Variants in PATL1 observed in about 807,000 individuals in gnomAD.
PATL1 encodes protein PAT1 homolog 1.
A neutral mutation model predicts 100.6 loss-of-function variants in PATL1; 32 were observed. The ratio of observed to expected loss-of-function variants is 0.32; its 90% CI spans 0.24 to 0.43. PATL1 has a LOEUF of 0.43. Among genes scored for constraint, PATL1 ranks in the 20% least tolerant of loss-of-function variants. The pLI is 1.00. For missense variants in PATL1, 747 were observed against 949.9 expected, an observed-to-expected ratio of 0.79 and a Z score of 2.81; for synonymous variants, 332 against 330.0, an observed-to-expected ratio of 1.01 and a Z score of -0.07.
chr11:59,653,628 T>C (rs1393266609), intron 9 of PATL1, among the ~76,000 whole-genome samples: 1 of 152,206 alleles, frequency 6.6e-6, no homozygotes, highest in African/African-American at 2.4e-5. Flanking sequence ...TGTACCCCTC[T>C]AGACCCAGTT....
chr11:59,651,667 T>A, intron 11 of PATL1, 26 bp from the exon 12 acceptor site: 1 of 1,388,290 alleles, frequency 7.2e-7, no homozygotes, highest in Non-Finnish European at 1.0e-6. Flanking sequence ...AAAAAAAAAT[T>A]CCAACAAAAT....
chr11:59,666,509 T>C (rs973676020), intron 2 of PATL1, among the ~76,000 whole-genome samples: 5 of 152,220 alleles, frequency 3.3e-5, no homozygotes, highest in African/African-American at 1.2e-4. Flanking sequence ...GTTATACAAA[T>C]AAAAATTCCT....
chr11:59,666,943 C>T lies in PATL1; in HGVS notation c.37G>A (p.Asp13Asn). The change falls in exon 2 of 19, where the codon GAT (aspartate) becomes AAT (asparagine). Residue 13 changes from aspartate to asparagine, a missense_variant. By Grantham distance (23) the Asp-to-Asn change is conservative. Around this residue, in one of 4 missense-constraint regions of PATL1, gnomAD observed 183 missense variants for 221.2 expected, o/e 0.83. Coordinates refer to ENST00000300146, the MANE Select transcript of PATL1 (RefSeq NM_152716.3). ...RYESLEDCPL[D>N]EDEDAFQGLG... is the part of the protein sequence containing the mutation. Reference sequence around the variant, plus strand: ...CCCTGAAATGCATCTTCATCTTCATCCAGAGGACAATCCTCCAAAGACTAA... The same window carrying T: ...CCCTGAAATGCATCTTCATCTTCATTCAGAGGACAATCCTCCAAAGACTAA... 1.3e-6 allele frequency: 2 copies of T among 1,550,158 alleles called. No homozygotes were observed. The highest frequency in any genetic ancestry group is 2.4e-5 in the East Asian group (1 of 40,864).
At chr11:59,640,586 G>A (rs1861264015) in intron 16 of PATL1, among the ~76,000 whole-genome samples, 1 of 152,014 alleles carries the variant, frequency 6.6e-6, no homozygotes, top group South Asian at 2.1e-4. Context: ...CAGGCGTGGT[G>A]GCGGGTGCCT....
chr11:59,660,513 G>A (rs543312467), intron 2 of PATL1, among the ~76,000 whole-genome samples: 2 of 152,306 alleles, frequency 1.3e-5, no homozygotes, highest in East Asian at 1.9e-4. Flanking sequence ...AAGAGTAAGA[G>A]GGTTAGCAAT....
At chr11:59,659,768 G>T (rs752386487) in intron 2 of PATL1, among the ~76,000 whole-genome samples, 32 of 151,934 alleles carry the variant, frequency 2.1e-4, no homozygotes, top group Non-Finnish European at 3.5e-4. Context: ...TCAAACTCCC[G>T]ACCTCAAATG....
chr11:59,659,615 T>C lies in PATL1; in HGVS notation c.128-146A>G, dbSNP rs1301933376. 11 of 709,508 alleles carry C rather than the reference T, an allele frequency of 1.6e-5. No individual in the cohort carries two copies. In the African/African-American group the frequency reaches 1.6e-4, roughly 10 times the overall value. The allele number at this position is 709,508 out of a possible 1,614,324, so 44.0% of individuals were successfully genotyped here. ...GGCGTGATCTCGGCTCACCGCAACC[T>C]CCACCTCCCGGGTTCAAGCAATTCT... On this transcript the variant is annotated intron_variant, in intron 2 of 18. Transcript: ENST00000300146.
intron 9 of PATL1, 79 bp from the exon 10 acceptor site, chr11:59,653,097 G>GTTTTTTT: frequency 6.7e-6 from 6 of 894,334 alleles, no homozygotes; most frequent in Non-Finnish European, 9.3e-6. Flanking sequence ...AACCAGGCCA[G>GTTTTTTT]TTTTTTTTTT....
chr11:59,638,324 T>G lies in PATL1; in HGVS notation c.*66A>C, dbSNP rs781631720. On this transcript the variant is annotated 3_prime_UTR_variant, in exon 19 of 19. Transcript: ENST00000300146. Reference sequence around the variant, plus strand: ...ACCTTCCTTCCCTCATTAAAAACACTCCATTGGTGATGGCAGCAGTGCAGG... The same window carrying G: ...ACCTTCCTTCCCTCATTAAAAACACGCCATTGGTGATGGCAGCAGTGCAGG... 2.0e-6 allele frequency: 3 copies of G among 1,517,618 alleles called. No homozygotes were observed. The Admixed American group carries it at 5.2e-5, about 26-fold the overall frequency. The allele number at this position is 1,517,618 out of a possible 1,614,324, so 94.0% of individuals were successfully genotyped here. A position where few individuals can be genotyped will look rare whatever the true frequency, so the allele number is the denominator to read the frequency against.
At position 59,659,285 on chromosome 11, in the gene PATL1, A is replaced by G. The variant is rs981312084; in HGVS notation, c.312T>C (p.Ile104=). ...VIENELEDPA[I]MRAVQTRPVL... is the part of the protein sequence containing the mutation. The stretch of plus-strand genomic sequence containing the variant: ...CTGGCCTGGTCTGCACTGCCCTCAT[A>G]ATAGCTGGATCTTCTAGTTCATTTT... The change falls in exon 3 of 19, where the codon ATT becomes ATC. Residue 104 remains isoleucine (I), a synonymous_variant. Transcript: ENST00000300146. The G allele has an allele frequency of 6.4e-7, 1 of 1,551,428 alleles. No homozygotes were observed. Among genetic ancestry groups the G allele is most frequent in the East Asian group, 2.4e-5 (1 of 40,924 alleles).
chr11:59,655,832 C>T, intron 7 of PATL1, 92 bp from the exon 8 acceptor site: 1 of 1,404,496 alleles, frequency 7.1e-7, no homozygotes, highest in Non-Finnish European at 9.8e-7. Context: ...CCATCAATAA[C>T]TTTGTTTGAA....
intron 3 of PATL1, 70 bp from the exon 4 acceptor site, chr11:59,659,016 G>T (rs2134756630): frequency 1.5e-6 from 2 of 1,361,040 alleles, no homozygotes; most frequent in Middle Eastern, 3.7e-4. Context: ...CTGCTGCTGG[G>T]GAACAAGGTT....
Position 59,642,913 on chromosome 11 carries a change from G to A in PATL1, c.2016C>T (p.Ser672=), listed in dbSNP as rs2134737992. 2 of 1,613,938 alleles carry A rather than the reference G, an allele frequency of 1.2e-6. No homozygotes were observed. The highest frequency in any genetic ancestry group is 2.2e-5 in the East Asian group (1 of 44,874). ...LPQSAATPAL[S]NPHLTAVLQN... ...GGAGCACAGCAGTGAGGTGAGGATT[G>A]GAGAGTGCTGGTGTAGCTGCACTTT... Residue 672 remains serine, a synonymous_variant, in exon 16 of 19, where the codon TCC becomes TCT. Coordinates refer to ENST00000300146, the MANE Select transcript of PATL1 (RefSeq NM_152716.3).
chr11:59,668,794 A>G lies in PATL1; in HGVS notation c.15+87T>C, dbSNP rs1364474880. The G allele has an allele frequency of 9.1e-6, 6 of 657,942 alleles. 1 individual carries two copies. Among genetic ancestry groups the G allele is most frequent in the South Asian group, 8.3e-5 (5 of 60,108 alleles). The allele number at this position is 657,942 out of a possible 1,614,324, so 40.8% of individuals were successfully genotyped here. ...TCCCCCAGCCCGCCCCCTGCCCCGC[A>G]GGAACACAGGACCGGCGCGCGGAGA... On this transcript the variant is annotated intron_variant, in intron 1 of 18. Coordinates refer to ENST00000300146, the MANE Select transcript of PATL1 (RefSeq NM_152716.3).
intron 15 of PATL1, among the ~76,000 whole-genome samples, chr11:59,645,531 AC>A (rs1300842938): frequency 2.0e-5 from 3 of 151,778 alleles, no homozygotes; most frequent in Admixed American, 1.3e-4. Context: ...TCTACAAAGA[AC>A]TTTGTATTAT....
chr11:59,638,365 G>C lies in PATL1; in HGVS notation c.*25C>G. The C allele has an allele frequency of 6.2e-7, 1 of 1,609,502 alleles. No individual in the cohort carries two copies. Among genetic ancestry groups the C allele is most frequent in the Non-Finnish European group, 8.5e-7 (1 of 1,176,482 alleles). ...GCAGTGCAGGTGGCAGCCAAAAGGA[G>C]GTACAGGACACATTTGGAGATCTTT... On this transcript the variant is annotated 3_prime_UTR_variant, in exon 19 of 19. Transcript: ENST00000300146.
intron 1 of PATL1, 91 bp downstream of exon 1, chr11:59,668,790 C>A: frequency 1.5e-6 from 1 of 683,536 alleles, no homozygotes; most frequent in Non-Finnish European, 2.5e-6. Flanking sequence ...GCCCCCTGCC[C>A]CGCAGGAACA....
chr11:59,649,949 C>T (rs1861418417), intron 13 of PATL1, among the ~76,000 whole-genome samples: 1 of 151,766 alleles, frequency 6.6e-6, no homozygotes, highest in Non-Finnish European at 1.5e-5. Flanking sequence ...TGGAGAAATC[C>T]CATCTCTACT....
chr11:59,655,592 G>A lies in PATL1; in HGVS notation c.962C>T (p.Ala321Val), dbSNP rs930173766. The A allele has an allele frequency of 2.5e-6, 4 of 1,591,656 alleles. No homozygotes were observed. In the East Asian group the frequency reaches 6.8e-5, roughly 27 times the overall value. Residue 321 changes from alanine (A) to valine (V), a missense_variant, in exon 8 of 19, where the codon GCT becomes GTT. Coordinates refer to ENST00000300146, the MANE Select transcript of PATL1 (RefSeq NM_152716.3). ...PAPGFRAFFSAPPSATPPPQQ... is the reference protein window; with the variant it reads ...PAPGFRAFFSVPPSATPPPQQ... Reference sequence around the variant, plus strand: ...TGGAGGTGGTGTAGCGGAGGGTGGAGCACTAAAGAAGGCACGGAAGCCTGG... The same window carrying A: ...TGGAGGTGGTGTAGCGGAGGGTGGAACACTAAAGAAGGCACGGAAGCCTGG...
Sources: allele counts gnomAD v4.1 joint callset (sites outside exome capture counted in the v4.1 genomes callset), GRCh38; gene constraint gnomAD v4.1.1; regional missense constraint gnomAD v4.1.1; transcripts MANE v1.5; gene names NCBI Gene and HGNC (gene_info 2026-07-23, HGNC 2026-07-21).